NUP210: variants seen among roughly 807,000 people sequenced by gnomAD.
NUP210 encodes nuclear pore membrane glycoprotein 210.
In NUP210, 151 loss-of-function variants were observed where a neutral mutation model predicts 196.0. That is an observed-to-expected ratio of 0.77 (90% CI 0.67 to 0.88). The LOEUF (loss-of-function observed/expected upper bound fraction) is 0.88, where lower values mean the gene tolerates loss of function less well. Ranked by LOEUF, NUP210 falls within the 40% of genes least tolerant of loss-of-function variation. NUP210 has a pLI of 0.00. For synonymous variants in NUP210, 1,070 were observed against 1,052.7 expected, an observed-to-expected ratio of 1.02 and a Z score of -0.32; for missense variants, 2,314 against 2,493.7, an observed-to-expected ratio of 0.93 and a Z score of 1.53.
chr3:13,332,759 T>C (rs932539832), intron 28 of NUP210, among the ~76,000 whole-genome samples: 1 of 151,882 alleles, frequency 6.6e-6, no homozygotes. Flanking sequence ...AAAGATATGA[T>C]GAGAAAAGAC....
At chr3:13,331,701 C>A (rs1697001772) in intron 29 of NUP210, among the ~76,000 whole-genome samples, 1 of 152,204 alleles carries the variant, frequency 6.6e-6, no homozygotes, top group Non-Finnish European at 1.5e-5. Context: ...GTGTTTCATG[C>A]AACATGTAAG....
chr3:13,404,017 C>A (rs1699923898), intron 1 of NUP210, among the ~76,000 whole-genome samples: 1 of 152,246 alleles, frequency 6.6e-6, no homozygotes, highest in Non-Finnish European at 1.5e-5. Flanking sequence ...GAATCAGGGG[C>A]AGCCCATCCC....
intron 1 of NUP210, among the ~76,000 whole-genome samples, chr3:13,417,289 TC>T (rs1372103786): frequency 1.3e-5 from 2 of 152,130 alleles, no homozygotes; most frequent in African/African-American, 4.8e-5. Flanking sequence ...CCTCTAAGGT[TC>T]CCCTGGCCCG....
At position 13,348,021 on chromosome 3, in the gene NUP210, G is replaced by T. The variant is rs146127056; in HGVS notation, c.2835+3858C>A. Among the ~76,000 whole-genome samples, 28 of 152,336 alleles carry T rather than the reference G, an allele frequency of 1.8e-4. No homozygotes were observed. Among genetic ancestry groups the T allele is most frequent in the South Asian group, 2.1e-4 (1 of 4,828 alleles). On this transcript the variant is annotated intron_variant, in intron 20 of 39. Coordinates refer to ENST00000254508, the MANE Select transcript of NUP210 (RefSeq NM_024923.4). The surrounding 1 kb of genome is among the most constrained non-coding windows in gnomAD (Gnocchi z 4.0). ...GCACGGGCTGCTGCTTGCCATAGGG[G>T]AGACTCGTCCCGGGTCCTGCCTGCA... is the stretch of plus-strand genomic sequence containing the variant.
rs191309716 is a variant in NUP210, at chr3:13,381,381, C to T, written c.818-1660G>A. ...AAAATAAGGAGGATTTTGTGACAGA[C>T]TCCTTAGATACCTCTTTTTCTTTCT... On this transcript the variant is annotated intron_variant, in intron 6 of 39. Transcript: ENST00000254508. Among the ~76,000 whole-genome samples, 283 of 151,646 alleles carry T rather than the reference C, an allele frequency of 1.9e-3. 3 individuals carry two copies. The highest frequency in any genetic ancestry group is 6.4e-3 in the African/African-American group (264 of 41,338).
chr3:13,336,327 G>A (rs1400106111), intron 27 of NUP210, among the ~76,000 whole-genome samples: 4 of 152,154 alleles, frequency 2.6e-5, no homozygotes, highest in Non-Finnish European at 5.9e-5. Context: ...GGCAACCCTG[G>A]GCAAGTCCCT....
intron 1 of NUP210, among the ~76,000 whole-genome samples, chr3:13,407,850 G>A (rs1466622321): frequency 6.6e-6 from 1 of 152,178 alleles, no homozygotes; most frequent in Non-Finnish European, 1.5e-5. Flanking sequence ...TGTTCTAGGT[G>A]CCAAGGACAC....
chr3:13,337,725 A>T, intron 26 of NUP210, 112 bp downstream of exon 26: 1 of 963,682 alleles, frequency 1.0e-6, no homozygotes, highest in Non-Finnish European at 1.6e-6. Context: ...AGCAGGCCCT[A>T]GATACCCGGG....
In NUP210 at chr3:13,353,609, G is replaced by T; in HGVS notation, c.2573C>A (p.Ala858Asp). ...GGACTCCTGGTAGCCAGTGGCAGTG[G>T]CAGTGATGGCTGTGGTTCCTGATGC... ...HEASGTTAIT[A>D]TATGYQESHL... Residue 858 changes from alanine to aspartate, a missense_variant, in exon 18 of 40, where the codon GCC (alanine) becomes GAC (aspartate). Transcript: ENST00000254508. The T allele has an allele frequency of 6.2e-7, 1 of 1,614,126 alleles. No individual in the cohort carries two copies. Among genetic ancestry groups the T allele is most frequent in the East Asian group, 2.2e-5 (1 of 44,888 alleles).
At position 13,373,717 on chromosome 3, in the gene NUP210, C is replaced by G. The variant is rs1420584975; in HGVS notation, c.1587+1G>C. The G allele has an allele frequency of 6.2e-7, 1 of 1,614,060 alleles. No individual in the cohort carries two copies. The highest frequency in any genetic ancestry group is 1.7e-5 in the Admixed American group (1 of 60,028). On this transcript the variant is annotated splice_donor_variant, in intron 12 of 39. Transcript: ENST00000254508. LOFTEE classifies it high-confidence loss of function. ...GGGGTGTCTTGGCCCTGAGATCTCA[C>G]CTTCATCTCACCGAAATGGAGTGGG...
chr3:13,365,874 A>T, intron 14 of NUP210, 72 bp downstream of exon 14: 1 of 1,521,442 alleles, frequency 6.6e-7, no homozygotes, highest in Non-Finnish European at 9.1e-7. Flanking sequence ...CAAATTCGTC[A>T]GAGCAAATGG....
At chr3:13,373,972 ACT>A (rs1203860821) in intron 11 of NUP210, 99 bp from the exon 12 acceptor site, 10 of 1,331,888 alleles carry the variant, frequency 7.5e-6, no homozygotes, top group Non-Finnish European at 9.4e-6. Flanking sequence ...ACGTACTCAC[ACT>A]CATACACATT....
At chr3:13,370,743 C>G (rs1698703421) in intron 13 of NUP210, among the ~76,000 whole-genome samples, 1 of 152,262 alleles carries the variant, frequency 6.6e-6, no homozygotes, top group African/African-American at 2.4e-5. Flanking sequence ...TTCTGTGCAG[C>G]TTCAAACTGC....
intron 1 of NUP210, among the ~76,000 whole-genome samples, chr3:13,416,363 C>A (rs1415001835): frequency 6.6e-6 from 1 of 152,130 alleles, no homozygotes; most frequent in East Asian, 1.9e-4. Flanking sequence ...AGCTGCAGGT[C>A]GTAATTCAAA....
At chr3:13,386,138 A>AGAGT in intron 6 of NUP210, 137 bp downstream of exon 6, 1 of 883,250 alleles carries the variant, frequency 1.1e-6, no homozygotes, top group East Asian at 2.5e-5. Flanking sequence ...TGGCTGCAGA[A>AGAGT]GAGTGTGAAT....
Position 13,353,754 on chromosome 3 carries a change from T to C in NUP210, c.2522-94A>G, listed in dbSNP as rs1160990625. ...TCCTTCTGATTTGCAGTTTCGAATC[T>C]GAAAACAGACAACTGTGTGTGTTGA... On this transcript the variant is annotated intron_variant, in intron 17 of 39. Transcript: ENST00000254508. 3 of 1,304,170 alleles carry C rather than the reference T, an allele frequency of 2.3e-6. No homozygotes were observed. The East Asian group carries it at 7.0e-5, about 30-fold the overall frequency. 80.8% of individuals were successfully genotyped at this position (1,304,170 alleles called of 1,614,324 possible).
At chr3:13,376,462 G>A (rs535665168) in intron 9 of NUP210, 31 bp from the exon 10 acceptor site, 2 of 1,612,646 alleles carry the variant, frequency 1.2e-6, no homozygotes, top group South Asian at 1.1e-5. Context: ...GGAGAGAGGT[G>A]CTTCTGGGGT....
chr3:13,400,736 G>T (rs567840383), intron 1 of NUP210, among the ~76,000 whole-genome samples: 2 of 152,260 alleles, frequency 1.3e-5, no homozygotes, highest in South Asian at 4.2e-4. Context: ...ATGGAAAGCG[G>T]CTGGCCATGC....
intron 1 of NUP210, among the ~76,000 whole-genome samples, chr3:13,416,459 A>C (rs907464387): frequency 6.6e-5 from 10 of 152,184 alleles, no homozygotes; most frequent in Non-Finnish European, 1.5e-4. Flanking sequence ...GTGGGTACAA[A>C]AGCTCAAAGC....
Sources: allele counts gnomAD v4.1 joint callset (sites outside exome capture counted in the v4.1 genomes callset), GRCh38; gene constraint gnomAD v4.1.1; non-coding constraint Gnocchi (gnomAD v3.1); transcripts MANE v1.5; gene names NCBI Gene and HGNC (gene_info 2026-07-23, HGNC 2026-07-21).